CD5L: variants seen among roughly 807,000 people sequenced by gnomAD.
The protein encoded by CD5L is CD5 antigen-like.
CD5L carries 39 observed loss-of-function variants against 40.8 expected under a neutral mutation model. The ratio of observed to expected loss-of-function variants is 0.96; its 90% confidence interval spans 0.74 to 1.25. The LOEUF (loss-of-function observed/expected upper bound fraction) is 1.25, where lower values mean the gene tolerates loss of function less well. Among genes scored for constraint, CD5L ranks in the 50% most tolerant of loss-of-function variants. The probability of loss-of-function intolerance (pLI) is 0.00; values close to 1 mark genes in which losing one functional copy is unlikely to be tolerated. For missense variants in CD5L, 433 were observed against 435.9 expected (o/e 0.99, Z 0.06); for synonymous variants, 192 against 169.6 (o/e 1.13, Z -1.03).
At chr1:157,832,174 A>C (rs1323362119) in intron 5 of CD5L, among the ~76,000 whole-genome samples, 2 of 152,214 alleles carry the variant, frequency 1.3e-5, no homozygotes, top group Non-Finnish European at 2.9e-5. Flanking sequence ...CATGTGAGTC[A>C]CAAACAGTAC....
chr1:157,840,174 G>T (rs1252217506), intron 1 of CD5L, among the ~76,000 whole-genome samples: 1 of 152,006 alleles, frequency 6.6e-6, no homozygotes. Flanking sequence ...TAGATGAATA[G>T]CTCAGGAAGT....
At chr1:157,834,894 G>C (rs1435743164) in intron 3 of CD5L, 146 bp from the exon 4 acceptor site, 4 of 564,314 alleles carry the variant, frequency 7.1e-6, no homozygotes, top group Non-Finnish European at 9.3e-6. Context: ...GATGCCTGCT[G>C]AAAGAATGAA....
At chr1:157,838,123 T>G (rs1656270296) in intron 2 of CD5L, among the ~76,000 whole-genome samples, 1 of 152,184 alleles carries the variant, frequency 6.6e-6, no homozygotes, top group East Asian at 1.9e-4. Flanking sequence ...GTTTATTTCA[T>G]GCATTTGTTT....
rs868295471 is a variant in CD5L, at chr1:157,841,677, G to A, written c.25C>T (p.Leu9Phe). The A allele has an allele frequency of 6.2e-7, 1 of 1,613,150 alleles. No homozygotes were observed. Among genetic ancestry groups the A allele is most frequent in the Non-Finnish European group, 8.5e-7 (1 of 1,179,574 alleles). ...CAACAGGTGCAGAGATACTCACCAAGGATCAAGGAGAATAGCAGAGCCATG... is the reference window on the plus strand; with the variant it reads ...CAACAGGTGCAGAGATACTCACCAAAGATCAAGGAGAATAGCAGAGCCATG... MALLFSLI[L>F]AICTRPGFLA... The change falls in exon 1 of 6, where the codon CTT (leucine) becomes TTT (phenylalanine). Residue 9 changes from leucine (L) to phenylalanine (F), a missense_variant. Coordinates refer to ENST00000368174, the MANE Select transcript of CD5L (RefSeq NM_005894.3).
chr1:157,832,058 C>T (rs2101935395), intron 5 of CD5L, 90 bp from the exon 6 acceptor site: 1 of 1,039,604 alleles, frequency 9.6e-7, no homozygotes, highest in African/African-American at 1.6e-5. Context: ...AGGGAGAAGA[C>T]TGGGGCTCAA....
In CD5L at chr1:157,831,120, A is replaced by G. The variant is rs1457205258; in HGVS notation, c.*844T>C. On this transcript the variant is annotated 3_prime_UTR_variant, in exon 6 of 6. Coordinates refer to ENST00000368174, the MANE Select transcript of CD5L (RefSeq NM_005894.3). ...GATATTTTTCACTTTCGCTTGGCAT[A>G]AGACACAACTTTAGCCCTCCCTGAT... 1 of 985,264 alleles carries G rather than the reference A, an allele frequency of 1.0e-6. No individual in the cohort carries two copies. Among genetic ancestry groups the G allele is most frequent in the Non-Finnish European group, 1.2e-6 (1 of 829,924 alleles). The allele number at this position is 985,264 out of a possible 1,614,324, so 61.0% of individuals were successfully genotyped here. A position where few individuals can be genotyped will look rare whatever the true frequency, so the allele number is the denominator to read the frequency against.
intron 2 of CD5L, among the ~76,000 whole-genome samples, chr1:157,837,226 A>G (rs1345693925): frequency 6.6e-6 from 1 of 152,208 alleles, no homozygotes; most frequent in Non-Finnish European, 1.5e-5. Context: ...ATCTCAAAAA[A>G]AGAGAAAAAA....
Position 157,834,632 on chromosome 1 carries a change from T to C in CD5L, c.493A>G (p.Thr165Ala), listed in dbSNP as rs765921294. 4 of 1,614,210 alleles carry C rather than the reference T, an allele frequency of 2.5e-6. No individual in the cohort carries two copies. The highest frequency in any genetic ancestry group is 3.4e-6 in the Non-Finnish European group (4 of 1,180,034). ...TTTGCGGCCCGGAGGCTCCAGCCTG[T>C]CTGGCACACGGTATACCACTGGTTC... ...HQNQWYTVCQ[T>A]GWSLRAAKVV... The change falls in exon 4 of 6, where the codon ACA becomes GCA. Residue 165 changes from threonine to alanine, a missense_variant. Transcript: ENST00000368174.
intron 3 of CD5L, 146 bp from the exon 4 acceptor site, chr1:157,834,894 G>T: frequency 1.8e-6 from 1 of 564,314 alleles, no homozygotes; most frequent in Non-Finnish European, 3.1e-6. Context: ...GATGCCTGCT[G>T]AAAGAATGAA....
rs879069186 is a variant in CD5L, at chr1:157,834,676, C to T, written c.449G>A (p.Arg150His). 4.3e-6 allele frequency: 7 copies of T among 1,614,182 alleles called. No individual in the cohort carries two copies. Among genetic ancestry groups the T allele is most frequent in the Non-Finnish European group, 5.1e-6 (6 of 1,180,028 alleles). ...CTGGTTCTGGTGCTTCACTTCCACG[C>T]GTCCCTTGCAATGCCCAGGGCCGTC... is the stretch of plus-strand genomic sequence containing the variant. ...LADGPGHCKGRVEVKHQNQWY... is the reference protein window; with the variant it reads ...LADGPGHCKGHVEVKHQNQWY... The change falls in exon 4 of 6, where the codon CGC (arginine) becomes CAC (histidine). Residue 150 changes from arginine to histidine, a missense_variant. Transcript: ENST00000368174.
At chr1:157,840,842 G>A (rs140392763) in intron 1 of CD5L, among the ~76,000 whole-genome samples, 19 of 152,306 alleles carry the variant, frequency 1.2e-4, no homozygotes, top group African/African-American at 2.6e-4. Flanking sequence ...AGGACTAGCC[G>A]TTGAGTGATG....
rs562986676 is a variant in CD5L at position 157,832,486 on chromosome 1, C to T, written c.1040-518G>A. 1.2e-4 allele frequency among the ~76,000 whole-genome samples: 18 copies of T among 152,296 alleles called. No homozygotes were observed. The South Asian group carries it at 1.2e-3, about 11-fold the overall frequency. ...ATTGATTACACAATGGGGCTTCAGA[C>T]GGGTGGCTTTTTTGAGTCAGCCACG... On this transcript the variant is annotated intron_variant, in intron 5 of 5. Transcript: ENST00000368174.
In CD5L at chr1:157,841,562, G is replaced by A. The variant is rs904499570; in HGVS notation, c.28+112C>T. 9 of 866,286 alleles carry A rather than the reference G, an allele frequency of 1.0e-5. No individual in the cohort carries two copies. The East Asian group carries it at 1.3e-4, about 13-fold the overall frequency. 53.7% of individuals were successfully genotyped at this position (866,286 alleles called of 1,614,324 possible). ...TACCAAATGTAAAAAGGAGGAAGAA[G>A]CTCATCCTTGAAAAACATCTAAATC... On this transcript the variant is annotated intron_variant, in intron 1 of 5. Coordinates refer to ENST00000368174, the MANE Select transcript of CD5L (RefSeq NM_005894.3).
At chr1:157,834,871 A>G (rs1047257205) in intron 3 of CD5L, 123 bp from the exon 4 acceptor site, 4 of 633,932 alleles carry the variant, frequency 6.3e-6, no homozygotes, top group Non-Finnish European at 8.1e-6. Context: ...AAAGTGCTTA[A>G]CACTGCCTCA....
At position 157,831,891 on chromosome 1, in the gene CD5L, G is replaced by A; in HGVS notation, c.*73C>T. 1.3e-6 allele frequency: 2 copies of A among 1,523,308 alleles called. No homozygotes were observed. Among genetic ancestry groups the A allele is most frequent in the Non-Finnish European group, 1.8e-6 (2 of 1,142,828 alleles). 94.4% of individuals were successfully genotyped at this position (1,523,308 alleles called of 1,614,324 possible). On this transcript the variant is annotated 3_prime_UTR_variant, in exon 6 of 6. Coordinates refer to ENST00000368174, the MANE Select transcript of CD5L (RefSeq NM_005894.3). ...GCCTGAGCCCCAGAATGAGTATGAGGATAATCAGGGCTCAGGAGAACAAGC... is the reference window on the plus strand; with the variant it reads ...GCCTGAGCCCCAGAATGAGTATGAGAATAATCAGGGCTCAGGAGAACAAGC...
intron 2 of CD5L, 119 bp downstream of exon 2, chr1:157,839,265 C>T (rs1412560654): frequency 6.3e-6 from 6 of 949,770 alleles, no homozygotes; most frequent in African/African-American, 3.3e-5. Flanking sequence ...GGTAGGAAGC[C>T]AGAAAGGAAG....
chr1:157,833,613 A>G (rs1656110801), intron 4 of CD5L, 101 bp from the exon 5 acceptor site: 1 of 986,472 alleles, frequency 1.0e-6, no homozygotes, highest in Non-Finnish European at 1.5e-6. Context: ...TATTTTTTGT[A>G]TGTTTGTTTT....
At chr1:157,828,615 C>G (rs1386500641), downstream of CD5L, among the ~76,000 whole-genome samples, 1 of 152,036 alleles carries the variant, frequency 6.6e-6, no homozygotes, top group African/African-American at 2.4e-5. Flanking sequence ...CTCAGAAGAC[C>G]CCCAGAGAGA....
intron 2 of CD5L, among the ~76,000 whole-genome samples, chr1:157,837,854 C>A (rs989933566): frequency 1.4e-5 from 2 of 148,036 alleles, no homozygotes; most frequent in Non-Finnish European, 3.0e-5. Flanking sequence ...CGGCTCACTG[C>A]AAGCTTCGCC....
Sources: gnomAD v4.1 joint callset for allele counts (sites outside exome capture counted in the v4.1 genomes callset) on GRCh38, gnomAD v4.1.1 for gene constraint, MANE v1.5 for transcripts, NCBI Gene and HGNC (gene_info 2026-07-23, HGNC 2026-07-21) for gene names.